FAM168A: variants seen among roughly 807,000 people sequenced by gnomAD.
FAM168A encodes the protein family with sequence similarity 168 member A, also known as protein FAM168A.
Under a neutral mutation model 28.5 loss-of-function variants are expected in FAM168A, and 3 were observed. The ratio of observed to expected loss-of-function variants is 0.11; its 90% CI spans 0.05 to 0.27. The LOEUF is 0.27. Among genes scored for constraint, FAM168A ranks in the 10% least tolerant of loss-of-function variants. FAM168A has a pLI of 1.00. For synonymous variants in FAM168A, 122 were observed against 124.2 expected (o/e 0.98, Z 0.12); for missense variants, 222 against 311.5 (o/e 0.71, Z 2.16).
intron 1 of FAM168A, among the ~76,000 whole-genome samples, chr11:73,557,429 T>C (rs1411206886): frequency 2.0e-5 from 3 of 152,070 alleles, no homozygotes; most frequent in Non-Finnish European, 4.4e-5. Flanking sequence ...GGGGTCTTAC[T>C]ATGTTGCCTA....
intron 1 of FAM168A, among the ~76,000 whole-genome samples, chr11:73,569,857 TAAAC>T (rs566261646): frequency 0.016 from 2,199 of 135,216 alleles, 51 homozygotes; most frequent in African/African-American, 0.076. Context: ...AATAAATAAA[TAAAC>T]AAAATAGATG....
chr11:73,585,105 T>C (rs1944296330), intron 1 of FAM168A, among the ~76,000 whole-genome samples: 1 of 151,634 alleles, frequency 6.6e-6, no homozygotes, highest in Admixed American at 6.6e-5. Flanking sequence ...AACCAGAAAA[T>C]AGGTCCCAAA....
At chr11:73,582,199 C>A (rs984979124) in intron 1 of FAM168A, among the ~76,000 whole-genome samples, 2 of 151,970 alleles carry the variant, frequency 1.3e-5, no homozygotes, top group Admixed American at 6.6e-5. Context: ...CTCTAATCAG[C>A]AAAATATTTT....
At chr11:73,521,554 G>A (rs1403719721) in intron 1 of FAM168A, among the ~76,000 whole-genome samples, 1 of 152,148 alleles carries the variant, frequency 6.6e-6, no homozygotes, top group Non-Finnish European at 1.5e-5. Context: ...GGAGAGGTAG[G>A]GGATAACTGC....
At chr11:73,560,656 T>C (rs1281918302) in intron 1 of FAM168A, among the ~76,000 whole-genome samples, 2 of 152,104 alleles carry the variant, frequency 1.3e-5, no homozygotes, top group Non-Finnish European at 2.9e-5. Flanking sequence ...ATTTAAACAG[T>C]GATAATACTA....
At chr11:73,507,664 C>T (rs549228696) in intron 1 of FAM168A, among the ~76,000 whole-genome samples, 2 of 152,150 alleles carry the variant, frequency 1.3e-5, no homozygotes, top group South Asian at 2.1e-4. Context: ...CTACCATATA[C>T]ATGCCATGTT....
chr11:73,498,340 G>A (rs1451150516), intron 1 of FAM168A, among the ~76,000 whole-genome samples: 1 of 152,178 alleles, frequency 6.6e-6, no homozygotes, highest in Non-Finnish European at 1.5e-5. Context: ...CCCCAGCCAA[G>A]GGAGGCAGTG....
intron 1 of FAM168A, among the ~76,000 whole-genome samples, chr11:73,511,060 A>G (rs1212958995): frequency 6.6e-6 from 1 of 152,002 alleles, no homozygotes; most frequent in Non-Finnish European, 1.5e-5. Flanking sequence ...CTCGTGGCCC[A>G]GAAAAGGAAA....
chr11:73,431,663 G>A (rs768089979), intron 2 of FAM168A, among the ~76,000 whole-genome samples: 4 of 152,158 alleles, frequency 2.6e-5, no homozygotes, highest in East Asian at 3.8e-4. Context: ...TGAGTAGTTC[G>A]GAAGAAGTGC....
chr11:73,460,723 C>T lies in FAM168A; in HGVS notation c.70+7682G>A, dbSNP rs754067103. Among the ~76,000 whole-genome samples the T allele has an allele frequency of 5.9e-5, 9 of 151,978 alleles. No individual in the cohort carries two copies. The South Asian group carries it at 6.2e-4, about 11-fold the overall frequency. ...TTCACCATGTTGGCCAGGCTGGTCT[C>T]GAACTCCTGACTTCAGGTAATCCAC... On this transcript the variant is annotated intron_variant, in intron 2 of 7. Coordinates refer to ENST00000356467, the MANE Select transcript of FAM168A (RefSeq NM_015159.3).
At chr11:73,485,357 C>T (rs759910533) in intron 1 of FAM168A, among the ~76,000 whole-genome samples, 8 of 152,166 alleles carry the variant, frequency 5.3e-5, no homozygotes, top group Non-Finnish European at 1.0e-4. Flanking sequence ...ATTGTGGCAT[C>T]CACTAATGTC....
At chr11:73,439,889 T>TTA (rs955030288) in intron 2 of FAM168A, among the ~76,000 whole-genome samples, 1 of 147,516 alleles carries the variant, frequency 6.8e-6, no homozygotes, top group African/African-American at 2.5e-5. Flanking sequence ...CTTTTTTTTT[T>TTA]TTTTTTTTTT....
At chr11:73,529,143 T>C (rs1943484128) in intron 1 of FAM168A, among the ~76,000 whole-genome samples, 1 of 152,250 alleles carries the variant, frequency 6.6e-6, no homozygotes, top group African/African-American at 2.4e-5. Context: ...TTGTGCATTG[T>C]TGTTGCTTGC....
chr11:73,535,404 T>C (rs1218854311), intron 1 of FAM168A, among the ~76,000 whole-genome samples: 1 of 148,030 alleles, frequency 6.8e-6, no homozygotes, highest in East Asian at 2.0e-4. Context: ...CACATCCAGC[T>C]ATTTTCTTTC....
chr11:73,442,955 G>GATATAGATATATATAT (rs1867226712), intron 2 of FAM168A, among the ~76,000 whole-genome samples: 1 of 40,228 alleles, frequency 2.5e-5, no homozygotes, highest in Non-Finnish European at 5.3e-5. Flanking sequence ...ATATACAAAG[G>GATATAGATATATATAT]ATATATATAT....
At chr11:73,439,578 T>C (rs565263094) in intron 2 of FAM168A, among the ~76,000 whole-genome samples, 2 of 152,346 alleles carry the variant, frequency 1.3e-5, no homozygotes, top group Admixed American at 1.3e-4. Context: ...GAGTGTGCTG[T>C]TGCCTCAGGA....
At chr11:73,510,723 A>C (rs956440139) in intron 1 of FAM168A, 15 of 374,006 alleles carry the variant, frequency 4.0e-5, no homozygotes, top group Admixed American at 1.8e-4. Flanking sequence ...AAAAAGAACC[A>C]TTTGGATATA....
At chr11:73,450,254 T>C (rs1867402534) in intron 2 of FAM168A, among the ~76,000 whole-genome samples, 1 of 152,204 alleles carries the variant, frequency 6.6e-6, no homozygotes, top group Admixed American at 6.5e-5. Context: ...GAAGGAATTA[T>C]GACATTCATG....
intron 1 of FAM168A, among the ~76,000 whole-genome samples, chr11:73,531,057 C>T (rs1272703730): frequency 6.6e-6 from 1 of 152,112 alleles, no homozygotes; most frequent in African/African-American, 2.4e-5. Flanking sequence ...GAGACAGACA[C>T]TGAAACCAGA....
Sources: allele counts gnomAD v4.1 joint callset (sites outside exome capture counted in the v4.1 genomes callset), GRCh38; gene constraint gnomAD v4.1.1; transcripts MANE v1.5; gene names NCBI Gene and HGNC (gene_info 2026-07-23, HGNC 2026-07-21).